The following PPFIBP1 variants were observed in gnomAD, a reference collection of about 807,000 sequenced individuals.
PPFIBP1 encodes liprin-beta-1.
In PPFIBP1, 112 loss-of-function variants were observed where a neutral mutation model predicts 137.8. The observed-to-expected ratio is 0.81, with a 90% CI of 0.70 to 0.95. The LOEUF is 0.95. Ranked by LOEUF, PPFIBP1 falls within the 40% of genes least tolerant of loss-of-function variation. The probability of loss-of-function intolerance (pLI) is 0.00; values close to 1 mark genes in which losing one functional copy is unlikely to be tolerated. For missense variants in PPFIBP1, 1,083 were observed against 1,196.6 expected, an observed-to-expected ratio of 0.91 and a Z score of 1.40; for synonymous variants, 378 against 417.3, an observed-to-expected ratio of 0.91 and a Z score of 1.15.
intron 4 of PPFIBP1, among the ~76,000 whole-genome samples, chr12:27,638,558 G>A (rs1306278478): frequency 6.6e-6 from 1 of 152,192 alleles, no homozygotes; most frequent in Admixed American, 6.5e-5. Context: ...TAAGGACCCT[G>A]TGAACTAACA....
chr12:27,672,288 C>T, intron 14 of PPFIBP1, 139 bp from the exon 15 acceptor site: 1 of 680,340 alleles, frequency 1.5e-6, no homozygotes, highest in Non-Finnish European at 2.5e-6. Context: ...TATTTTAGGC[C>T]AAATAAAATA....
At position 27,681,573 on chromosome 12, in the gene PPFIBP1, G is replaced by A. The variant is rs765016291; in HGVS notation, c.1923G>A (p.Trp641Ter). Residue 641 changes from tryptophan (W) to a stop codon, truncating the protein, a stop_gained, in exon 22 of 30, where the codon TGG becomes TGA. Coordinates refer to ENST00000228425, the MANE Select transcript of PPFIBP1 (RefSeq NM_003622.4). LOFTEE classifies it high-confidence loss of function. ...ACTTGGATATGCCATTTGCCAAGTGGACCAAGGAGCAGGTTTGCAATTGGC... is the reference window on the plus strand; with the variant it reads ...ACTTGGATATGCCATTTGCCAAGTGAACCAAGGAGCAGGTTTGCAATTGGC... ...NSDLDMPFAK[W>*]TKEQVCNWLM... 6 of 1,614,088 alleles carry A rather than the reference G, an allele frequency of 3.7e-6. No individual in the cohort carries two copies. The highest frequency in any genetic ancestry group is 1.1e-5 in the South Asian group (1 of 91,068).
chr12:27,561,308 T>TG (rs1352048880), intron 1 of PPFIBP1, among the ~76,000 whole-genome samples: 5 of 152,208 alleles, frequency 3.3e-5, no homozygotes, highest in African/African-American at 1.2e-4. Flanking sequence ...GCCTCCTTTC[T>TG]GGGGGTAAAA....
intron 1 of PPFIBP1, among the ~76,000 whole-genome samples, chr12:27,540,422 T>C (rs1945522221): frequency 6.7e-6 from 1 of 149,214 alleles, no homozygotes; most frequent in African/African-American, 2.5e-5. Context: ...CTTAATTTCA[T>C]CAGCATCAGT....
At chr12:27,613,484 C>T (rs1010276981) in intron 2 of PPFIBP1, among the ~76,000 whole-genome samples, 2 of 152,096 alleles carry the variant, frequency 1.3e-5, no homozygotes, top group Non-Finnish European at 2.9e-5. Context: ...CAGTGGATCA[C>T]CTGAGGTCAG....
At chr12:27,629,256 A>C (rs1443450527) in intron 2 of PPFIBP1, among the ~76,000 whole-genome samples, 1 of 152,224 alleles carries the variant, frequency 6.6e-6, no homozygotes, top group African/African-American at 2.4e-5. Flanking sequence ...GTTAAAATAA[A>C]GAACTTAAAT....
intron 12 of PPFIBP1, among the ~76,000 whole-genome samples, chr12:27,665,836 C>T (rs960250821): frequency 6.6e-6 from 1 of 152,058 alleles, no homozygotes; most frequent in Non-Finnish European, 1.5e-5. Flanking sequence ...CTGGCATAAT[C>T]GATTTTATAA....
Position 27,670,805 on chromosome 12 carries a change from A to ATAATAATAATAATAATAATAT in PPFIBP1, c.1147-615_1147-614insATAATAATATTAATAATAATA, listed in dbSNP as rs1491098348. ...AAAAAAAAAAAAAAAAATAATAATA[A>ATAATAATAATAATAATAATAT]TAATAATAATAGAGTGTTGAAAGCA... On this transcript the variant is annotated intron_variant, in intron 13 of 29. Coordinates refer to ENST00000228425, the MANE Select transcript of PPFIBP1 (RefSeq NM_003622.4). Among the ~76,000 whole-genome samples, 12 of 148,784 alleles carry ATAATAATAATAATAATAATAT rather than the reference A, an allele frequency of 8.1e-5. No homozygotes were observed. In the East Asian group the frequency reaches 1.9e-3, roughly 24 times the overall value.
At chr12:27,530,417 C>T (rs562050365) in intron 1 of PPFIBP1, among the ~76,000 whole-genome samples, 2 of 152,288 alleles carry the variant, frequency 1.3e-5, no homozygotes, top group African/African-American at 4.8e-5. Context: ...GATCAGCTGC[C>T]TGGATGGTTT....
At chr12:27,626,170 A>G (rs2056803772) in intron 2 of PPFIBP1, among the ~76,000 whole-genome samples, 1 of 152,168 alleles carries the variant, frequency 6.6e-6, no homozygotes, top group Non-Finnish European at 1.5e-5. Context: ...AAAACATGTG[A>G]TGACAGATAC....
chr12:27,578,579 ATTTCAC>A (rs1418840645), intron 2 of PPFIBP1, among the ~76,000 whole-genome samples: 1 of 151,290 alleles, frequency 6.6e-6, no homozygotes, highest in African/African-American at 2.4e-5. Context: ...CTCACAGACC[ATTTCAC>A]TACCTTATCT....
At chr12:27,644,563 G>A (rs1284721238) in intron 4 of PPFIBP1, among the ~76,000 whole-genome samples, 3 of 152,104 alleles carry the variant, frequency 2.0e-5, no homozygotes, top group Non-Finnish European at 4.4e-5. Flanking sequence ...TTGAGAACAT[G>A]CGTTATTCAT....
At chr12:27,552,344 AC>A (rs1446521742) in intron 1 of PPFIBP1, among the ~76,000 whole-genome samples, 7 of 152,158 alleles carry the variant, frequency 4.6e-5, no homozygotes, top group African/African-American at 1.7e-4. Context: ...GGGTCAAGAA[AC>A]CTTTTGGCTG....
At position 27,676,453 on chromosome 12, in the gene PPFIBP1, C is replaced by T. The variant is rs1279781792; in HGVS notation, c.1436C>T (p.Pro479Leu). The part of the protein sequence containing the change: ...SEDRAPAESR[P>L]FGTLPPRPPG... ...GACAGAGCTCCGGCAGAAAGCAGGC[C>T]ATTTGGGACCCTTCCTCCCAGGCCC... Residue 479 changes from proline to leucine, a missense_variant, in exon 18 of 30, where the codon CCA becomes CTA. Transcript: ENST00000228425. The T allele has an allele frequency of 6.4e-7, 1 of 1,553,256 alleles. No individual in the cohort carries two copies. Among genetic ancestry groups the T allele is most frequent in the Non-Finnish European group, 8.7e-7 (1 of 1,150,520 alleles).
At chr12:27,638,936 C>A (rs1238252856) in intron 4 of PPFIBP1, among the ~76,000 whole-genome samples, 1 of 152,098 alleles carries the variant, frequency 6.6e-6, no homozygotes, top group Non-Finnish European at 1.5e-5. Flanking sequence ...GGATACTAAC[C>A]TTTTCATTAG....
intron 1 of PPFIBP1, among the ~76,000 whole-genome samples, chr12:27,566,594 G>C (rs185025814): frequency 6.6e-6 from 1 of 152,140 alleles, no homozygotes; most frequent in African/African-American, 2.4e-5. Context: ...TTTTAATTAC[G>C]GATAACAACT....
intron 19 of PPFIBP1, among the ~76,000 whole-genome samples, chr12:27,678,856 C>CAAAAAAAAAAAAAAAGAAAAAAAAAAAA (rs2060691844): frequency 1.0e-5 from 1 of 98,972 alleles, no homozygotes; most frequent in Non-Finnish European, 1.9e-5. Context: ...GACTCTGTCT[C>CAAAAAAAAAAAAAAAGAAAAAAAAAAAA]AAAAAAAAAA....
chr12:27,546,051 A>G (rs1204700091), intron 1 of PPFIBP1, among the ~76,000 whole-genome samples: 1 of 152,206 alleles, frequency 6.6e-6, no homozygotes, highest in African/African-American at 2.4e-5. Context: ...CCTGTCCAGG[A>G]CCTTGTGCCA....
At chr12:27,592,862 G>C (rs2052687254) in intron 2 of PPFIBP1, 1 of 535,526 alleles carries the variant, frequency 1.9e-6, no homozygotes, top group East Asian at 3.3e-5. Context: ...CAAGTAGGCT[G>C]GGTGCGATGG....
Sources: gnomAD v4.1 joint callset for allele counts (sites outside exome capture counted in the v4.1 genomes callset) on GRCh38, gnomAD v4.1.1 for gene constraint, MANE v1.5 for transcripts, NCBI Gene and HGNC (gene_info 2026-07-23, HGNC 2026-07-21) for gene names.